DISC1: variants seen among roughly 807,000 people sequenced by gnomAD.
DISC1 encodes disrupted in schizophrenia 1 protein.
In DISC1, 57 loss-of-function variants were observed where a neutral mutation model predicts 84.5. That is an observed-to-expected ratio of 0.67 (90% CI 0.55 to 0.84). DISC1 has a LOEUF of 0.84. DISC1 is among the 40% of genes least tolerant of loss of function. The pLI, the probability that DISC1 is intolerant of heterozygous loss-of-function variation, is 0.00. For missense variants in DISC1, 1,000 were observed against 1,057.8 expected (o/e 0.95, Z 0.76); for synonymous variants, 411 against 415.2 (o/e 0.99, Z 0.12).
At chr1:232,000,596 C>T (rs1352105420) in intron 10 of DISC1, among the ~76,000 whole-genome samples, 1 of 152,158 alleles carries the variant, frequency 6.6e-6, no homozygotes, top group Non-Finnish European at 1.5e-5. Context: ...CAAGAAGCTA[C>T]ACAAATCCCC....
chr1:231,940,408 G>A (rs1388940832), intron 9 of DISC1, among the ~76,000 whole-genome samples: 2 of 151,150 alleles, frequency 1.3e-5, no homozygotes, highest in Non-Finnish European at 3.0e-5. Context: ...TGTTCTGCCA[G>A]TGTTGATTTG....
Position 231,936,851 on chromosome 1 carries a change from C to T in DISC1, c.1982-21977C>T, listed in dbSNP as rs2091011546. 2.0e-5 allele frequency among the ~76,000 whole-genome samples: 3 copies of T among 152,120 alleles called. No homozygotes were observed. In the South Asian group the frequency reaches 6.2e-4, roughly 32 times the overall value. ...TTTGAAACTCTCTTCCTTCTTAAAC[C>T]TTAATGAGATTCCAAGGTAGCAACA... On this transcript the variant is annotated intron_variant, in intron 9 of 12. Coordinates refer to ENST00000439617, the MANE Select transcript of DISC1 (RefSeq NM_018662.3).
At chr1:231,916,647 T>C (rs1382863539) in intron 9 of DISC1, among the ~76,000 whole-genome samples, 12 of 104,240 alleles carry the variant, frequency 1.2e-4, no homozygotes, top group African/African-American at 4.5e-4. Context: ...AGAGCGAGAC[T>C]CCGTCTCAAA....
chr1:231,914,509 A>G (rs2089478934), intron 9 of DISC1, among the ~76,000 whole-genome samples: 1 of 152,200 alleles, frequency 6.6e-6, no homozygotes, highest in African/African-American at 2.4e-5. Flanking sequence ...TGGGAAGGAA[A>G]ATAGCCATTG....
intron 9 of DISC1, among the ~76,000 whole-genome samples, chr1:231,937,733 C>T (rs1482903313): frequency 6.6e-6 from 1 of 152,084 alleles, no homozygotes; most frequent in Non-Finnish European, 1.5e-5. Context: ...CTGAAGGGGA[C>T]CCGGCTTCGA....
rs192182801 is a variant in DISC1, at chr1:231,992,485, G to A, written c.2043-16300G>A. Among the ~76,000 whole-genome samples the A allele has an allele frequency of 9.1e-4, 139 of 152,142 alleles. 1 individual carries two copies. The highest frequency in any genetic ancestry group is 3.2e-3 in the African/African-American group (134 of 41,490). Reference sequence around the variant, plus strand: ...GTATTTTGACTTTCATTTATGGCACGTTTGCCACATAAGAGTTTAAATTGA... The same window carrying A: ...GTATTTTGACTTTCATTTATGGCACATTTGCCACATAAGAGTTTAAATTGA... On this transcript the variant is annotated intron_variant, in intron 10 of 12. Transcript: ENST00000439617.
At chr1:231,629,610 G>C (rs1018211995) in intron 1 of DISC1, 7 of 152,574 alleles carry the variant, frequency 4.6e-5, no homozygotes, top group African/African-American at 1.7e-4. Context: ...ATCTCACCAA[G>C]GTAGACAAAT....
chr1:231,980,204 C>T (rs1189929433), intron 10 of DISC1, among the ~76,000 whole-genome samples: 3 of 151,936 alleles, frequency 2.0e-5, no homozygotes, highest in Non-Finnish European at 4.4e-5. Flanking sequence ...ATTCATAATC[C>T]CCGGTTAGGC....
chr1:231,801,157 G>C (rs2079208371), intron 8 of DISC1, among the ~76,000 whole-genome samples: 1 of 151,998 alleles, frequency 6.6e-6, no homozygotes, highest in Non-Finnish European at 1.5e-5. Flanking sequence ...AGAGCAATTT[G>C]GTCCCTGGTG....
intron 8 of DISC1, among the ~76,000 whole-genome samples, chr1:231,801,968 G>A (rs1420326866): frequency 4.0e-5 from 6 of 151,732 alleles, no homozygotes; most frequent in African/African-American, 1.2e-4. Flanking sequence ...ACAGGCACCC[G>A]CCACCACGCC....
At chr1:231,863,004 G>A (rs1422018627) in intron 9 of DISC1, among the ~76,000 whole-genome samples, 2 of 151,940 alleles carry the variant, frequency 1.3e-5, no homozygotes, top group African/African-American at 4.8e-5. Flanking sequence ...ACTCTGCAAA[G>A]GACTTATATG....
At chr1:231,834,471 G>A (rs1251760652) in intron 9 of DISC1, among the ~76,000 whole-genome samples, 3 of 152,152 alleles carry the variant, frequency 2.0e-5, no homozygotes, top group East Asian at 3.9e-4. Flanking sequence ...ATCTCAGACC[G>A]TTTGCCCATT....
At chr1:231,759,541 A>AAAAAAAAAAAC (rs2075445804) in intron 4 of DISC1, among the ~76,000 whole-genome samples, 1 of 147,356 alleles carries the variant, frequency 6.8e-6, no homozygotes, top group Non-Finnish European at 1.5e-5. Flanking sequence ...AAAAAAAAAA[A>AAAAAAAAAAAC]AAAAAAAAAA....
chr1:231,866,514 C>T, intron 9 of DISC1: 1 of 804,486 alleles, frequency 1.2e-6, no homozygotes, highest in Admixed American at 1.7e-5. Context: ...ATGTTCACTA[C>T]TACCTTAGGA....
intron 9 of DISC1, chr1:231,855,134 G>C: frequency 9.9e-7 from 1 of 1,006,938 alleles, no homozygotes; most frequent in Non-Finnish European, 1.2e-6. Context: ...GAAAATTTTG[G>C]TTTTCAATGT....
chr1:231,745,745 C>T (rs891261178), intron 3 of DISC1, among the ~76,000 whole-genome samples: 1 of 152,152 alleles, frequency 6.6e-6, no homozygotes, highest in Non-Finnish European at 1.5e-5. Flanking sequence ...CTACCTCTTA[C>T]TTCTATGACA....
chr1:231,874,233 C>T (rs1211661178), intron 9 of DISC1, among the ~76,000 whole-genome samples: 3 of 151,858 alleles, frequency 2.0e-5, no homozygotes, highest in Non-Finnish European at 4.4e-5. Context: ...TCTTGGCTCA[C>T]TGAAACCTCT....
intron 3 of DISC1, among the ~76,000 whole-genome samples, chr1:231,740,646 T>C (rs2073134893): frequency 6.6e-6 from 1 of 152,170 alleles, no homozygotes; most frequent in Non-Finnish European, 1.5e-5. Flanking sequence ...ACCAGAAGTG[T>C]TTTAAATTTC....
intron 5 of DISC1, among the ~76,000 whole-genome samples, chr1:231,768,453 G>A (rs1178909274): frequency 6.6e-6 from 1 of 152,222 alleles, no homozygotes; most frequent in African/African-American, 2.4e-5. Context: ...CACAGTCAAT[G>A]TGCATCATTA....
Sources: gnomAD v4.1 joint callset for allele counts (sites outside exome capture counted in the v4.1 genomes callset) on GRCh38, gnomAD v4.1.1 for gene constraint, MANE v1.5 for transcripts, NCBI Gene and HGNC (gene_info 2026-07-23, HGNC 2026-07-21) for gene names.